Variants in XIRP2 observed in about 807,000 individuals in gnomAD.
XIRP2 encodes the protein xin actin binding repeat containing 2, also known as xin actin-binding repeat-containing protein 2.
In XIRP2, 236 loss-of-function variants were observed where a neutral mutation model predicts 277.0. That is an observed-to-expected ratio of 0.85 (90% CI 0.77 to 0.95). The LOEUF (loss-of-function observed/expected upper bound fraction) is 0.95. Ranked by LOEUF, XIRP2 falls within the 40% of genes least tolerant of loss-of-function variation. The pLI is 0.00. For missense variants in XIRP2, 4,640 were observed against 4,157.5 expected (o/e 1.12, Z -3.19); for synonymous variants, 1,490 against 1,416.5 (o/e 1.05, Z -1.17).
rs564258964 is a variant in XIRP2, at chr2:167,089,591, A to ATG, written c.409-46306_409-46305dup. Among the ~76,000 whole-genome samples the ATG allele has an allele frequency of 1.6e-3, 243 of 152,066 alleles. 2 individuals are homozygous for ATG. The highest frequency in any genetic ancestry group is 4.9e-3 in the African/African-American group (202 of 41,458). On this transcript the variant is annotated intron_variant, in intron 2 of 10. Transcript: ENST00000409195. The stretch of plus-strand genomic sequence containing the variant: ...TTCAGCAAGGATGTTCTTAATGCAT[A>ATG]TGTGTGTGTGTGTATTACTTAAGTA...
chr2:167,105,820 T>C lies in XIRP2; in HGVS notation c.409-30089T>C, dbSNP rs187087101. On this transcript the variant is annotated intron_variant, in intron 2 of 10. Transcript: ENST00000409195. ...TCCACACCCTTGGAGCATTTATTAT[T>C]GTTACCATTCTTTGTATTTTAGCCA... is the stretch of plus-strand genomic sequence containing the variant. 9.3e-4 allele frequency among the ~76,000 whole-genome samples: 142 copies of C among 151,928 alleles called. 1 individual carries two copies. The highest frequency in any genetic ancestry group is 2.8e-3 in the African/African-American group (116 of 41,528).
chr2:167,055,267 A>G (rs917692726), intron 2 of XIRP2, among the ~76,000 whole-genome samples: 1 of 152,190 alleles, frequency 6.6e-6, no homozygotes, highest in African/African-American at 2.4e-5. Flanking sequence ...GAAAAAAGTT[A>G]GTGGAGAGTA....
At chr2:166,930,069 A>T (rs1186778967) in intron 2 of XIRP2, among the ~76,000 whole-genome samples, 3 of 152,140 alleles carry the variant, frequency 2.0e-5, no homozygotes, top group Non-Finnish European at 4.4e-5. Context: ...TTTTGAGTAT[A>T]GTTTCGGAGC....
intron 2 of XIRP2, among the ~76,000 whole-genome samples, chr2:167,122,173 C>T (rs1266182830): frequency 6.6e-6 from 1 of 152,152 alleles, no homozygotes; most frequent in African/African-American, 2.4e-5. Context: ...CCTGAACAGT[C>T]TTTCTTCAGA....
At chr2:166,932,941 T>C (rs77286129) in intron 2 of XIRP2, among the ~76,000 whole-genome samples, 2,803 of 152,288 alleles carry the variant, frequency 0.018, 29 homozygotes, top group Non-Finnish European at 0.027. Flanking sequence ...ATCTTCATTA[T>C]TGTAGCTTTG....
chr2:167,228,034 A>T (rs1573975470), intron 5 of XIRP2, among the ~76,000 whole-genome samples: 1 of 152,186 alleles, frequency 6.6e-6, no homozygotes, highest in Admixed American at 6.6e-5. Flanking sequence ...AAAAAACCTT[A>T]TCAAATAATG....
chr2:167,235,618 T>C (rs941094369), intron 5 of XIRP2, among the ~76,000 whole-genome samples: 1 of 151,824 alleles, frequency 6.6e-6, no homozygotes, highest in Non-Finnish European at 1.5e-5. Context: ...AGGTAGATAA[T>C]ACAGATGTGT....
chr2:167,140,811 T>G (rs924443318), intron 3 of XIRP2: 1 of 152,216 alleles, frequency 6.6e-6, no homozygotes, highest in African/African-American at 2.4e-5. Flanking sequence ...CCCAATTAAG[T>G]GTTTCTCTTT....
At chr2:166,901,669 C>G (rs16852772) in intron 1 of XIRP2, among the ~76,000 whole-genome samples, 2,195 of 152,172 alleles carry the variant, frequency 0.014, 55 homozygotes, top group African/African-American at 0.05. Context: ...TTTCTGTCGT[C>G]CACATATGAG....
intron 2 of XIRP2, among the ~76,000 whole-genome samples, chr2:167,085,226 G>A (rs946230815): frequency 6.6e-6 from 1 of 151,390 alleles, no homozygotes; most frequent in Non-Finnish European, 1.5e-5. Flanking sequence ...GGAGCAGGTT[G>A]TTCAGTTTCC....
At chr2:167,232,341 A>T (rs1479590) in intron 5 of XIRP2, among the ~76,000 whole-genome samples, 3 of 151,948 alleles carry the variant, frequency 2.0e-5, no homozygotes, top group Non-Finnish European at 4.4e-5. Context: ...ATATTTCCAC[A>T]TGTCAGGAGC....
intron 2 of XIRP2, among the ~76,000 whole-genome samples, chr2:166,964,845 C>G (rs1327877560): frequency 6.6e-6 from 1 of 151,834 alleles, no homozygotes; most frequent in Non-Finnish European, 1.5e-5. Flanking sequence ...CCTTTCTGAT[C>G]TACAGCTTGC....
chr2:167,227,632 A>G (rs1323043604), intron 5 of XIRP2, among the ~76,000 whole-genome samples: 1 of 152,048 alleles, frequency 6.6e-6, no homozygotes, highest in Non-Finnish European at 1.5e-5. Flanking sequence ...ACTTGAGCCC[A>G]GGTGTTCAAA....
chr2:167,047,902 G>C (rs1220886227), intron 2 of XIRP2, among the ~76,000 whole-genome samples: 1 of 151,892 alleles, frequency 6.6e-6, no homozygotes, highest in African/African-American at 2.4e-5. Context: ...TTGTTTAATA[G>C]ATTTGAAGGT....
rs200658067 is a variant in XIRP2 at position 167,242,792 on chromosome 2, C to T, written c.1400C>T (p.Thr467Ile). The change falls in exon 9 of 11, where the codon ACA becomes ATA. Residue 467 changes from threonine to isoleucine, a missense_variant. Transcript: ENST00000409195. The stretch of plus-strand genomic sequence containing the variant: ...GTACTTCAAACTTCAGTAGATGTGA[C>T]AGCATTTTCCCAGTCCCCTGAACTG... ...PDVLQTSVDV[T>I]AFSQSPELPS... The T allele has an allele frequency of 1.5e-4, 239 of 1,614,060 alleles. No individual in the cohort carries two copies. The African/African-American group carries it at 2.9e-3, about 20-fold the overall frequency.
At chr2:166,965,819 G>A (rs1047764010) in intron 2 of XIRP2, among the ~76,000 whole-genome samples, 1 of 151,706 alleles carries the variant, frequency 6.6e-6, no homozygotes, top group African/African-American at 2.4e-5. Flanking sequence ...CTGGGCTCAA[G>A]CCATCCACCC....
chr2:167,191,140 C>G (rs186789473), intron 3 of XIRP2, among the ~76,000 whole-genome samples: 1 of 146,126 alleles, frequency 6.8e-6, no homozygotes. Context: ...AAACCATGAT[C>G]GTGCCACTGC....
At chr2:166,973,447 C>A (rs1308898724) in intron 2 of XIRP2, among the ~76,000 whole-genome samples, 1 of 152,104 alleles carries the variant, frequency 6.6e-6, no homozygotes, top group African/African-American at 2.4e-5. Context: ...TGTAACTATT[C>A]CCTTTTCACA....
At chr2:167,000,602 G>A (rs1323887434) in intron 2 of XIRP2, among the ~76,000 whole-genome samples, 1 of 151,018 alleles carries the variant, frequency 6.6e-6, no homozygotes, top group Admixed American at 6.6e-5. Context: ...TTATGTTTGT[G>A]GCCATGGATG....
Sources: gnomAD v4.1 joint callset for allele counts (sites outside exome capture counted in the v4.1 genomes callset) on GRCh38, gnomAD v4.1.1 for gene constraint, MANE v1.5 for transcripts, NCBI Gene and HGNC (gene_info 2026-07-23, HGNC 2026-07-21) for gene names.